TENM3: variants seen among roughly 807,000 people sequenced by gnomAD.
TENM3 encodes the protein teneurin-3.
TENM3 carries 63 observed loss-of-function variants against 255.1 expected under a neutral mutation model. The ratio of observed to expected loss-of-function variants is 0.25; its 90% CI spans 0.20 to 0.30. The LOEUF (loss-of-function observed/expected upper bound fraction) is 0.30, where lower values mean the gene tolerates loss of function less well. TENM3 is among the 10% of genes least tolerant of loss of function. The pLI, the probability that TENM3 is intolerant of heterozygous loss-of-function variation, is 1.00. For missense variants in TENM3, 2,929 were observed against 3,461.1 expected (o/e 0.85, Z 3.86); for synonymous variants, 1,306 against 1,322.3 (o/e 0.99, Z 0.27).
At chr4:181,788,889 C>T in the TENM3 span, among the ~76,000 whole-genome samples, 8 of 152,280 alleles carry the variant, frequency 5.3e-5, no homozygotes, top group Admixed American at 2.0e-4. Flanking sequence ...TGAGCCACTG[C>T]GCCTAGCCCT....
At chr4:181,588,434 A>AG in the TENM3 span, among the ~76,000 whole-genome samples, 1 of 152,210 alleles carries the variant, frequency 6.6e-6, no homozygotes, top group Admixed American at 6.5e-5. Flanking sequence ...ACCAGAGAGC[A>AG]GGGGAAAAAA....
intron 3 of TENM3, among the ~76,000 whole-genome samples, chr4:182,524,933 A>G (rs7674224): frequency 0.53 from 80,236 of 151,822 alleles, 21,393 homozygotes; most frequent in East Asian, 0.65. Context: ...AGGAGGCTGA[A>G]GTGGAAGGAT....
chr4:181,804,070 GGAAA>G, the TENM3 span, among the ~76,000 whole-genome samples: 8,766 of 82,406 alleles, frequency 0.11, 378 homozygotes, highest in East Asian at 0.2. Context: ...GAAAGAGAAA[GGAAA>G]GAAAGAAAGA....
At chr4:181,586,950 A>G in the TENM3 span, among the ~76,000 whole-genome samples, 1 of 152,304 alleles carries the variant, frequency 6.6e-6, no homozygotes, top group East Asian at 1.9e-4. Context: ...TTAGGCTGTT[A>G]TTGGTCAATA....
chr4:182,274,825 A>T (rs79946194), intron 1 of TENM3, among the ~76,000 whole-genome samples: 3,959 of 151,912 alleles, frequency 0.026, 116 homozygotes, highest in African/African-American at 0.059. Flanking sequence ...TTTAGTATTT[A>T]TTATTATTAT....
chr4:182,082,154 G>T, the TENM3 span, among the ~76,000 whole-genome samples: 1 of 152,152 alleles, frequency 6.6e-6, no homozygotes, highest in Non-Finnish European at 1.5e-5. Context: ...TCTCATAGTT[G>T]TGGAGGCTGG....
chr4:182,349,095 CAT>C (rs1765014013), intron 3 of TENM3, among the ~76,000 whole-genome samples: 1 of 152,114 alleles, frequency 6.6e-6, no homozygotes, highest in African/African-American at 2.4e-5. Context: ...CATTTGGCAG[CAT>C]TTGTTGAGAG....
intron 17 of TENM3, among the ~76,000 whole-genome samples, chr4:182,737,861 C>A (rs1761292255): frequency 6.6e-6 from 1 of 152,054 alleles, no homozygotes; most frequent in South Asian, 2.1e-4. Flanking sequence ...ATTGTGAACT[C>A]TGGAAAGCTT....
chr4:182,214,665 A>AATT lies in TENM3; in HGVS notation c.-76+69914_-76+69916dup, dbSNP rs550462839. On this transcript the variant is annotated intron_variant, in intron 1 of 2. Transcript: ENST00000512480. ...ATAGATGTGAGCCCCTGCACCAGACAATTATATTTATTTTTAAAAACGCCC... is the reference window on the plus strand; with the variant it reads ...ATAGATGTGAGCCCCTGCACCAGACAATTATTATATTTATTTTTAAAAACGCCC... 1.7e-3 allele frequency among the ~76,000 whole-genome samples: 255 copies of AATT among 151,978 alleles called. 1 individual carries two copies. The highest frequency in any genetic ancestry group is 5.0e-3 in the South Asian group (24 of 4,806).
the TENM3 span, among the ~76,000 whole-genome samples, chr4:181,831,121 T>A: frequency 6.6e-6 from 1 of 152,330 alleles, no homozygotes; most frequent in East Asian, 1.9e-4. Context: ...AAATAATCAA[T>A]TTTTCATTTT....
chr4:182,558,137 G>T (rs142174333), intron 3 of TENM3, among the ~76,000 whole-genome samples: 1 of 152,146 alleles, frequency 6.6e-6, no homozygotes, highest in Non-Finnish European at 1.5e-5. Flanking sequence ...GTTTGCCCTC[G>T]ATGGAGTGCA....
At chr4:182,739,115 G>A (rs933752720) in intron 18 of TENM3, among the ~76,000 whole-genome samples, 1 of 151,468 alleles carries the variant, frequency 6.6e-6, no homozygotes, top group Non-Finnish European at 1.5e-5. Context: ...CACATATATT[G>A]TTACTTGACT....
the TENM3 span, among the ~76,000 whole-genome samples, chr4:181,772,083 C>T: frequency 4.6e-5 from 7 of 152,060 alleles, no homozygotes; most frequent in South Asian, 2.1e-4. Context: ...TATGACTGTA[C>T]TAAATAATAA....
chr4:182,621,129 C>T (rs959174126), intron 4 of TENM3, among the ~76,000 whole-genome samples: 7 of 151,502 alleles, frequency 4.6e-5, no homozygotes, highest in Admixed American at 1.3e-4. Flanking sequence ...TGCAGTGAAC[C>T]GAGGTCGCAC....
intron 3 of TENM3, among the ~76,000 whole-genome samples, chr4:182,428,928 T>G (rs1771428355): frequency 1.3e-5 from 2 of 152,170 alleles, no homozygotes. Flanking sequence ...CATAATGGAT[T>G]TATCCTGTTT....
intron 3 of TENM3, among the ~76,000 whole-genome samples, chr4:182,350,979 G>A (rs1421287272): frequency 6.6e-6 from 1 of 152,116 alleles, no homozygotes; most frequent in African/African-American, 2.4e-5. Context: ...CACCGCGCCC[G>A]GCCACTGACG....
chr4:182,506,112 A>C (rs1736791650), intron 3 of TENM3, among the ~76,000 whole-genome samples: 1 of 152,210 alleles, frequency 6.6e-6, no homozygotes, highest in African/African-American at 2.4e-5. Flanking sequence ...GACGGAGTCA[A>C]GGAAAAATTC....
At chr4:182,449,644 T>A (rs1471118256) in intron 3 of TENM3, among the ~76,000 whole-genome samples, 1 of 152,200 alleles carries the variant, frequency 6.6e-6, no homozygotes, top group African/African-American at 2.4e-5. Context: ...AGCCCTTTGG[T>A]TCCATTAACT....
intron 24 of TENM3, among the ~76,000 whole-genome samples, chr4:182,778,262 A>T (rs1764858273): frequency 6.6e-6 from 1 of 152,204 alleles, no homozygotes; most frequent in Non-Finnish European, 1.5e-5. Context: ...GAGAAAAAAA[A>T]ATCGTAGTGA....
Sources: allele counts gnomAD v4.1 joint callset (sites outside exome capture counted in the v4.1 genomes callset), GRCh38; gene constraint gnomAD v4.1.1; transcripts MANE v1.5; gene names NCBI Gene and HGNC (gene_info 2026-07-23, HGNC 2026-07-21).